Variants in B3GLCT observed in about 807,000 individuals in gnomAD.
B3GLCT encodes the protein beta 3-glucosyltransferase.
B3GLCT carries 65 observed loss-of-function variants against 63.4 expected under a neutral mutation model. The observed-to-expected ratio is 1.03, with a 90% CI of 0.84 to 1.26. The LOEUF (loss-of-function observed/expected upper bound fraction) is 1.26, where lower values mean the gene tolerates loss of function less well. Among genes scored for constraint, B3GLCT ranks in the 50% most tolerant of loss-of-function variants. The probability of loss-of-function intolerance (pLI) is 0.00; values close to 1 mark genes in which losing one functional copy is unlikely to be tolerated. For synonymous variants in B3GLCT, 233 were observed against 219.2 expected (o/e 1.06, Z -0.55); for missense variants, 577 against 604.8 (o/e 0.95, Z 0.48).
intron 2 of B3GLCT, 109 bp downstream of exon 2, chr13:31,215,209 A>C (rs1351452061): frequency 8.9e-7 from 1 of 1,120,440 alleles, no homozygotes; most frequent in Non-Finnish European, 1.3e-6. Context: ...TTATTGTTAC[A>C]TAATTCATAT....
intron 14 of B3GLCT, among the ~76,000 whole-genome samples, chr13:31,326,990 A>G (rs1274797061): frequency 6.6e-6 from 1 of 152,074 alleles, no homozygotes; most frequent in Non-Finnish European, 1.5e-5. Context: ...TCAACAGTTC[A>G]TTTTTAAAGG....
Position 31,329,511 on chromosome 13 carries a change from T to A in B3GLCT, c.1340T>A (p.Val447Glu), listed in dbSNP as rs1044057279. Residue 447 changes from valine to glutamate, a missense_variant, in exon 15 of 15, where the codon GTG (valine) becomes GAG (glutamate). Val to Glu is a moderately radical substitution (Grantham distance 121). Coordinates refer to ENST00000343307, the MANE Select transcript of B3GLCT (RefSeq NM_194318.4). ...CTATTTTTCCTGCAGGCTCGGCCGG[T>A]GGATTACCCTAAGGACTACCTTTCT... is the stretch of plus-strand genomic sequence containing the variant. ...HSPLFHQARPVDYPKDYLSHQ... is the reference protein window; with the variant it reads ...HSPLFHQARPEDYPKDYLSHQ... 2 of 1,614,012 alleles carry A rather than the reference T, an allele frequency of 1.2e-6. No individual in the cohort carries two copies. Among genetic ancestry groups the A allele is most frequent in the South Asian group, 1.1e-5 (1 of 91,090 alleles).
chr13:31,263,113 T>C (rs558557736), intron 7 of B3GLCT, among the ~76,000 whole-genome samples: 1 of 152,316 alleles, frequency 6.6e-6, no homozygotes, highest in African/African-American at 2.4e-5. Flanking sequence ...AATCATTTCC[T>C]TGAAGCCAGT....
At chr13:31,300,495 C>T (rs902288474) in intron 12 of B3GLCT, among the ~76,000 whole-genome samples, 4 of 152,152 alleles carry the variant, frequency 2.6e-5, no homozygotes, top group Admixed American at 2.6e-4. Flanking sequence ...TTAAAGTAGT[C>T]TCACTGAGAA....
At chr13:31,315,674 G>A (rs1159938364) in intron 12 of B3GLCT, among the ~76,000 whole-genome samples, 1 of 152,264 alleles carries the variant, frequency 6.6e-6, no homozygotes. Context: ...ATTCAAGCCA[G>A]CTGCAGAAAT....
At chr13:31,219,727 G>C (rs1256418106) in intron 2 of B3GLCT, among the ~76,000 whole-genome samples, 1 of 152,192 alleles carries the variant, frequency 6.6e-6, no homozygotes, top group Non-Finnish European at 1.5e-5. Context: ...GCCAGGTCCT[G>C]TTTAAACGTT....
rs1872007556 is a variant in B3GLCT at position 31,261,095 on chromosome 13, T to C, written c.596+13T>C. 1.2e-6 allele frequency: 2 copies of C among 1,609,070 alleles called. No individual in the cohort carries two copies. The highest frequency in any genetic ancestry group is 1.7e-6 in the Non-Finnish European group (2 of 1,178,096). ...CACTTGTAAACAAGTAAGAATTTAT[T>C]GGAATTTTTTCGGGGGGCGGGAGGG... On this transcript the variant is annotated intron_variant, in intron 7 of 14. Coordinates refer to ENST00000343307, the MANE Select transcript of B3GLCT (RefSeq NM_194318.4).
At chr13:31,212,784 A>G (rs1869337489) in intron 1 of B3GLCT, among the ~76,000 whole-genome samples, 1 of 152,218 alleles carries the variant, frequency 6.6e-6, no homozygotes, top group South Asian at 2.1e-4. Context: ...TTCTCAGAAT[A>G]TTCTATTTTC....
intron 4 of B3GLCT, among the ~76,000 whole-genome samples, chr13:31,245,485 A>T (rs1328541390): frequency 1.3e-5 from 2 of 151,996 alleles, no homozygotes; most frequent in Non-Finnish European, 2.9e-5. Context: ...TGGTTCTTCT[A>T]GTCTCTGTTC....
chr13:31,216,136 A>G (rs1411985543), intron 2 of B3GLCT, among the ~76,000 whole-genome samples: 21 of 91,148 alleles, frequency 2.3e-4, no homozygotes, highest in Non-Finnish European at 4.6e-4. Context: ...CATTTTTTTA[A>G]TAGAATGTTT....
intron 9 of B3GLCT, among the ~76,000 whole-genome samples, chr13:31,275,771 A>T (rs1325331240): frequency 6.6e-6 from 1 of 152,146 alleles, no homozygotes; most frequent in African/African-American, 2.4e-5. Flanking sequence ...CCATTTGAAG[A>T]GATAAATACA....
intron 6 of B3GLCT, among the ~76,000 whole-genome samples, chr13:31,257,062 A>C (rs924145489): frequency 6.6e-6 from 1 of 152,184 alleles, no homozygotes; most frequent in Non-Finnish European, 1.5e-5. Flanking sequence ...ATTCTATAAT[A>C]ATTTTTTTAA....
intron 12 of B3GLCT, among the ~76,000 whole-genome samples, chr13:31,301,357 G>T (rs1184226787): frequency 2.6e-5 from 4 of 152,144 alleles, no homozygotes; most frequent in Non-Finnish European, 5.9e-5. Context: ...GTCTTAACTG[G>T]TTCCAATTTT....
At chr13:31,201,971 ATTC>A (rs1466832717) in intron 1 of B3GLCT, among the ~76,000 whole-genome samples, 2 of 152,182 alleles carry the variant, frequency 1.3e-5, no homozygotes, top group African/African-American at 4.8e-5. Flanking sequence ...GGGAGGCTGT[ATTC>A]TTCGAGGTCT....
intron 1 of B3GLCT, among the ~76,000 whole-genome samples, chr13:31,210,691 T>C (rs1168008540): frequency 6.6e-6 from 1 of 152,244 alleles, no homozygotes; most frequent in Non-Finnish European, 1.5e-5. Context: ...TAATATTGGA[T>C]TTATTAGTGG....
intron 6 of B3GLCT, among the ~76,000 whole-genome samples, chr13:31,249,926 G>A (rs1322896454): frequency 6.6e-6 from 1 of 151,962 alleles, no homozygotes; most frequent in African/African-American, 2.4e-5. Flanking sequence ...AATGTGTGAG[G>A]GTATAAGGTA....
At chr13:31,209,645 A>G (rs1194402406) in intron 1 of B3GLCT, among the ~76,000 whole-genome samples, 2 of 151,712 alleles carry the variant, frequency 1.3e-5, no homozygotes, top group Non-Finnish European at 2.9e-5. Context: ...GCTTTTGTGC[A>G]GGGCAGGCAA....
intron 12 of B3GLCT, chr13:31,312,358 C>G (rs941427791): frequency 3.9e-5 from 6 of 152,072 alleles, no homozygotes; most frequent in African/African-American, 1.4e-4. Context: ...ATGTGTAAGC[C>G]AAACACAGTG....
chr13:31,322,335 G>T (rs566245438), intron 13 of B3GLCT, among the ~76,000 whole-genome samples: 3 of 152,234 alleles, frequency 2.0e-5, no homozygotes, highest in Non-Finnish European at 4.4e-5. Context: ...TTCCTACATC[G>T]TCTTGATCTG....
Sources: gnomAD v4.1 joint callset for allele counts (sites outside exome capture counted in the v4.1 genomes callset) on GRCh38, gnomAD v4.1.1 for gene constraint, MANE v1.5 for transcripts, NCBI Gene and HGNC (gene_info 2026-07-23, HGNC 2026-07-21) for gene names.